WNK3: variants seen among roughly 807,000 people sequenced by gnomAD.
WNK3 encodes the protein serine/threonine-protein kinase WNK3.
A neutral mutation model predicts 116.7 loss-of-function variants in WNK3; 18 were observed. That is an observed-to-expected ratio of 0.15 (90% confidence interval 0.11 to 0.23). WNK3 has a LOEUF of 0.23. Ranked by LOEUF, WNK3 falls within the 10% of genes least tolerant of loss-of-function variation. The probability of loss-of-function intolerance (pLI) is 1.00; values close to 1 mark genes in which losing one functional copy is unlikely to be tolerated. For missense variants in WNK3, 993 were observed against 1,323.8 expected, an observed-to-expected ratio of 0.75 and a Z score of 3.88; for synonymous variants, 404 against 469.4, an observed-to-expected ratio of 0.86 and a Z score of 1.80.
chrX:54,310,736 CTT>C (rs1322347650), intron 3 of WNK3, among the ~76,000 whole-genome samples: 2 of 103,423 alleles, frequency 1.9e-5, no homozygotes, highest in African/African-American at 3.5e-5. Context: ...TCTACAAATT[CTT>C]TTTTTTTTTG....
intron 22 of WNK3, among the ~76,000 whole-genome samples, chrX:54,221,919 G>A (rs1280981850): frequency 8.9e-6 from 1 of 111,851 alleles, no homozygotes; most frequent in Non-Finnish European, 1.9e-5. Context: ...CACTTTGGGA[G>A]GCTGAGGCGG....
In WNK3 at chrX:54,310,984, G is replaced by A. The variant is rs782183028; in HGVS notation, c.710+135C>T. On this transcript the variant is annotated intron_variant, in intron 3 of 23. Transcript: ENST00000354646. The stretch of plus-strand genomic sequence containing the variant: ...ACCCTCCTCAGTCTCCCAAAGTGCT[G>A]GGATTACAGGTGTAGCCACTGCGCC... The A allele has an allele frequency of 1.2e-5, 5 of 432,726 alleles. No individual in the cohort carries two copies. In the South Asian group the frequency reaches 2.5e-4, roughly 22 times the overall value. The allele number at this position is 432,726 out of a possible 1,213,427, so 35.7% of individuals were successfully genotyped here.
At position 54,346,935 on chromosome X, in the gene WNK3, GA is replaced by G. The variant is rs782667213; in HGVS notation, c.-120+10750del. 2.7e-5 allele frequency among the ~76,000 whole-genome samples: 3 copies of G among 111,831 alleles called. No individual in the cohort carries two copies. In the South Asian group the frequency reaches 1.1e-3, roughly 42 times the overall value. On this transcript the variant is annotated intron_variant, in intron 1 of 23. Coordinates refer to ENST00000354646, the Ensembl canonical transcript of WNK3. ...TCAGGAGATTCTATTTAGGAAGGCA[GA>G]AAACCATATATTTTCTAAAGTTTTT...
At chrX:54,257,789 CAAAAAAAA>C (rs60655785) in intron 11 of WNK3, among the ~76,000 whole-genome samples, 4,035 of 15,338 alleles carry the variant, frequency 0.26, 198 homozygotes, top group East Asian at 0.54. Context: ...GACTCTGCCT[CAAAAAAAA>C]AAAAAAAAAA....
At position 54,211,425 on chromosome X, in the gene WNK3, G is replaced by A. The variant is rs1282326422; in HGVS notation, c.4871-9232C>T. ...CCACTGCGCTCCAGCCTTGGGAACA[G>A]AGCTAGACTCTGTCTCAAAAAAAAA... On this transcript the variant is annotated intron_variant, in intron 22 of 23. Coordinates refer to ENST00000354646, the Ensembl canonical transcript of WNK3. Among the ~76,000 whole-genome samples the A allele has an allele frequency of 3.7e-4, 38 of 101,765 alleles. No homozygotes were observed. In the Admixed American group the frequency reaches 3.8e-3, roughly 10 times the overall value. The allele number at this position is 101,765 out of a possible 115,157, so 88.4% of individuals were successfully genotyped here.
chrX:54,193,701 A>G (rs1048084855), exon 24 of WNK3: 9 of 111,259 alleles, frequency 8.1e-5, no homozygotes, highest in Non-Finnish European at 1.7e-4. Flanking sequence ...TTCCAGGGTG[A>G]CCTGAAGGCA....
chrX:54,229,780 C>T lies in WNK3; in HGVS notation c.4841-1037G>A, dbSNP rs138393849. Among the ~76,000 whole-genome samples, 23 of 111,014 alleles carry T rather than the reference C, an allele frequency of 2.1e-4. No individual in the cohort carries two copies. In the East Asian group the frequency reaches 5.4e-3, roughly 26 times the overall value. On this transcript the variant is annotated intron_variant, in intron 21 of 23. Coordinates refer to ENST00000354646, the Ensembl canonical transcript of WNK3. ...CAAAAGCTATTCAATGGAGAAAGGACGGTCTCTTCCACAAATGGTAATGTA... is the reference window on the plus strand; with the variant it reads ...CAAAAGCTATTCAATGGAGAAAGGATGGTCTCTTCCACAAATGGTAATGTA...
chrX:54,286,993 T>C (rs1351397156), intron 10 of WNK3, among the ~76,000 whole-genome samples: 1 of 109,192 alleles, frequency 9.2e-6, no homozygotes, highest in East Asian at 2.9e-4. Flanking sequence ...CCAATTCTGG[T>C]GGGGAGGGTA....
intron 10 of WNK3, among the ~76,000 whole-genome samples, chrX:54,274,002 C>T (rs1245841679): frequency 9.0e-6 from 1 of 111,458 alleles, no homozygotes; most frequent in Non-Finnish European, 1.9e-5. Context: ...CTCTCCTCTA[C>T]AGTAACTGGC....
chrX:54,232,863 G>C lies in WNK3; in HGVS notation c.4786C>G (p.Leu1596Val), dbSNP rs988114050. ...GTCAAGGACTGGGGGCGGCTTCGAAGTTTGCTTTTGAAAGATCTTGGTCGA... is the reference window on the plus strand; with the variant it reads ...GTCAAGGACTGGGGGCGGCTTCGAACTTTGCTTTTGAAAGATCTTGGTCGA... Residue 1596 changes from leucine (L) to valine (V), a missense_variant, in exon 21 of 24, where the codon CTT becomes GTT. Physicochemically the swap from Leu to Val is conservative, Grantham distance 32. Around this residue, in one of 4 missense-constraint regions of WNK3, gnomAD observed 836 missense variants for 976.5 expected, o/e 0.86. Coordinates refer to ENST00000354646, the Ensembl canonical transcript of WNK3. 5.6e-5 allele frequency: 68 copies of C among 1,211,709 alleles called. No individual in the cohort carries two copies. The highest frequency in any genetic ancestry group is 7.5e-5 in the Non-Finnish European group (67 of 895,548).
chrX:54,351,165 T>C (rs1043849542), intron 1 of WNK3, among the ~76,000 whole-genome samples: 22 of 111,393 alleles, frequency 2.0e-4, no homozygotes, highest in African/African-American at 6.8e-4. Context: ...AGTGAACATA[T>C]AAATACTGAT....
At chrX:54,351,830 T>C (rs1184935872) in intron 1 of WNK3, among the ~76,000 whole-genome samples, 1 of 111,209 alleles carries the variant, frequency 9.0e-6, no homozygotes, top group African/African-American at 3.3e-5. Flanking sequence ...AAGAATTGCT[T>C]GAACCTGGGA....
At chrX:54,356,883 C>G (rs1450453766) in intron 1 of WNK3, among the ~76,000 whole-genome samples, 1 of 109,117 alleles carries the variant, frequency 9.2e-6, no homozygotes, top group African/African-American at 3.3e-5. Context: ...CACCCCCACC[C>G]CATTATATAA....
At chrX:54,222,593 T>C (rs1398257624) in intron 22 of WNK3, among the ~76,000 whole-genome samples, 5 of 104,009 alleles carry the variant, frequency 4.8e-5, no homozygotes, top group Non-Finnish European at 9.8e-5. Flanking sequence ...TATAGTATAA[T>C]AGGCCGGGCA....
chrX:54,282,420 C>T (rs1417601236), intron 10 of WNK3, among the ~76,000 whole-genome samples: 1 of 111,039 alleles, frequency 9.0e-6, no homozygotes, highest in Non-Finnish European at 1.9e-5. Context: ...TTTCTCCACA[C>T]CTTTGCCAAC....
At chrX:54,305,604 T>C (rs782500173) in intron 5 of WNK3, among the ~76,000 whole-genome samples, 1 of 111,352 alleles carries the variant, frequency 9.0e-6, no homozygotes, top group Admixed American at 9.7e-5. Flanking sequence ...CCTTATTTCT[T>C]ATTGTCTCCT....
Position 54,257,070 on chromosome X carries a change from A to G in WNK3, c.2103-1183T>C, listed in dbSNP as rs190877858. On this transcript the variant is annotated intron_variant, in intron 11 of 23. Coordinates refer to ENST00000354646, the Ensembl canonical transcript of WNK3. ...AAAGATGAAAGCGGACTGGCTGGGG[A>G]CCCCTAGGACTTGAGTAACATCATA... Among the ~76,000 whole-genome samples, 530 of 111,452 alleles carry G rather than the reference A, an allele frequency of 4.8e-3. 2 individuals are homozygous for G. Among genetic ancestry groups the G allele is most frequent in the African/African-American group, 0.016 (497 of 30,723 alleles).
chrX:54,233,812 G>GAA lies in WNK3; in HGVS notation c.4629-794_4629-793dup, dbSNP rs781927998. ...CAACATAGTGAGACCCTGTCTCTCT[G>GAA]AAAAAAAAAAAAAAAAAAATCAGCC... On this transcript the variant is annotated intron_variant, in intron 20 of 23. Coordinates refer to ENST00000354646, the Ensembl canonical transcript of WNK3. Among the ~76,000 whole-genome samples, 111 of 66,722 alleles carry GAA rather than the reference G, an allele frequency of 1.7e-3. 1 individual carries two copies. The highest frequency in any genetic ancestry group is 5.2e-3 in the African/African-American group (92 of 17,675). 57.9% of individuals were successfully genotyped at this position (66,722 alleles called of 115,157 possible).
chrX:54,203,096 A>G (rs1716218590), intron 22 of WNK3, among the ~76,000 whole-genome samples: 1 of 112,340 alleles, frequency 8.9e-6, no homozygotes, highest in Non-Finnish European at 1.9e-5. Flanking sequence ...TTACGATTTA[A>G]AAAGATGAAT....
Sources: allele counts gnomAD v4.1 joint callset (sites outside exome capture counted in the v4.1 genomes callset), GRCh38; gene constraint gnomAD v4.1.1; regional missense constraint gnomAD v4.1.1; transcripts MANE v1.5; gene names NCBI Gene and HGNC (gene_info 2026-07-23, HGNC 2026-07-21).